SEC31A: variants seen among roughly 807,000 people sequenced by gnomAD.
SEC31A encodes the protein protein transport protein Sec31A.
A neutral mutation model predicts 151.0 loss-of-function variants in SEC31A; 70 were observed. The ratio of observed to expected loss-of-function variants is 0.46; its 90% CI spans 0.38 to 0.57. The LOEUF is 0.57. Ranked by LOEUF, SEC31A falls within the 20% of genes least tolerant of loss-of-function variation. SEC31A has a pLI of 0.00. For missense variants in SEC31A, 1,330 were observed against 1,471.2 expected, an observed-to-expected ratio of 0.90 and a Z score of 1.57; for synonymous variants, 475 against 505.9, an observed-to-expected ratio of 0.94 and a Z score of 0.82.
intron 3 of SEC31A, 35 bp from the exon 4 acceptor site, chr4:82,878,963 A>C (rs754896302): frequency 6.6e-7 from 1 of 1,509,062 alleles, no homozygotes; most frequent in African/African-American, 1.4e-5. Flanking sequence ...ATTCATTCTT[A>C]AAGTCAAATA....
intron 3 of SEC31A, among the ~76,000 whole-genome samples, chr4:82,879,671 T>G (rs1331270855): frequency 6.6e-6 from 1 of 152,202 alleles, no homozygotes; most frequent in African/African-American, 2.4e-5. Flanking sequence ...AGCGGTCCCA[T>G]GAAACTGCAT....
At chr4:82,896,631 C>T (rs977423467) in intron 3 of SEC31A, among the ~76,000 whole-genome samples, 1 of 152,232 alleles carries the variant, frequency 6.6e-6, no homozygotes, top group African/African-American at 2.4e-5. Flanking sequence ...TGGTGGCACA[C>T]GCCTGCAGTT....
intron 4 of SEC31A, 42 bp from the exon 5 acceptor site, chr4:82,875,864 T>C: frequency 9.1e-7 from 1 of 1,099,864 alleles, no homozygotes; most frequent in Non-Finnish European, 1.3e-6. Flanking sequence ...TATGAATAAT[T>C]AAGAAAATTC....
At chr4:82,841,442 T>TATATA (rs1728733052) in intron 22 of SEC31A, among the ~76,000 whole-genome samples, 61 of 64,448 alleles carry the variant, frequency 9.5e-4, no homozygotes, top group African/African-American at 2.3e-3. Flanking sequence ...AAAAAAAATT[T>TATATA]TATATATATA....
chr4:82,897,984 A>G (rs780926062), intron 3 of SEC31A: 1 of 152,244 alleles, frequency 6.6e-6, no homozygotes, highest in Non-Finnish European at 1.5e-5. Context: ...AGAAAGATAT[A>G]CTACCTTCCC....
At chr4:82,866,990 C>T (rs779481610) in intron 9 of SEC31A, 30 bp from the exon 10 acceptor site, 19 of 1,591,396 alleles carry the variant, frequency 1.2e-5, no homozygotes, top group East Asian at 1.1e-4. Context: ...CATAAGCATC[C>T]GACCATACAC....
chr4:82,861,813 G>T, intron 13 of SEC31A, 105 bp from the exon 14 acceptor site: 2 of 484,056 alleles, frequency 4.1e-6, no homozygotes, highest in Non-Finnish European at 7.5e-6. Context: ...TTCAGAGCTA[G>T]TTTAATCATA....
At chr4:82,855,130 G>T in intron 16 of SEC31A, 101 bp from the exon 17 acceptor site, 1 of 974,508 alleles carries the variant, frequency 1.0e-6, no homozygotes, top group South Asian at 2.2e-5. Context: ...GCCAAATGCA[G>T]CAGCAAAATG....
chr4:82,895,978 T>C (rs1469691330), upstream of SEC31A, among the ~76,000 whole-genome samples: 1 of 152,232 alleles, frequency 6.6e-6, no homozygotes, highest in African/African-American at 2.4e-5. Context: ...TGCTTAGCTC[T>C]TTAAAACAAA....
chr4:82,819,689 A>T (rs1375544218), intron 26 of SEC31A, among the ~76,000 whole-genome samples: 1 of 152,216 alleles, frequency 6.6e-6, no homozygotes, highest in African/African-American at 2.4e-5. Context: ...GTCATCTCTT[A>T]AAACTATAAA....
At chr4:82,860,214 C>T (rs577051068) in intron 14 of SEC31A, among the ~76,000 whole-genome samples, 60 of 152,190 alleles carry the variant, frequency 3.9e-4, no homozygotes, top group African/African-American at 1.3e-3. Context: ...GTATTGAGTG[C>T]CTTCAATGTG....
intron 21 of SEC31A, chr4:82,844,171 A>T (rs1186271652): frequency 2.4e-6 from 1 of 410,206 alleles, no homozygotes; most frequent in Non-Finnish European, 4.3e-6. Flanking sequence ...ACAGGAGTCA[A>T]CTACTCTGAA....
chr4:82,827,407 C>A lies in SEC31A; in HGVS notation c.3253G>T (p.Glu1085Ter). 6.2e-7 allele frequency: 1 copy of A among 1,614,174 alleles called. No individual in the cohort carries two copies. Among genetic ancestry groups the A allele is most frequent in the Non-Finnish European group, 8.5e-7 (1 of 1,180,004 alleles). ...MPPSFSKPNI[E>*]GAPGAPIGNT... is the part of the protein sequence containing the mutation. Reference sequence around the variant, plus strand: ...CCAATAGGAGCCCCTGGGGCACCTTCAATATTGGGCTTTGAAAAAGATGGT... The same window carrying A: ...CCAATAGGAGCCCCTGGGGCACCTTAAATATTGGGCTTTGAAAAAGATGGT... Residue 1085 changes from glutamate (E) to a stop codon, truncating the protein, a stop_gained, in exon 24 of 27, where the codon GAA (glutamate) becomes TAA (stop). Transcript: ENST00000395310. LOFTEE classifies it high-confidence loss of function.
chr4:82,854,849 C>A, intron 17 of SEC31A, 54 bp downstream of exon 17: 1 of 1,495,814 alleles, frequency 6.7e-7, no homozygotes. Flanking sequence ...AGTTTATTTA[C>A]AATATACCCT....
intron 8 of SEC31A, among the ~76,000 whole-genome samples, chr4:82,869,285 A>G (rs1211351642): frequency 1.3e-5 from 2 of 149,492 alleles, no homozygotes; most frequent in Non-Finnish European, 3.0e-5. Flanking sequence ...ACGTCCAGCT[A>G]ATTTTTTTGT....
intron 17 of SEC31A, among the ~76,000 whole-genome samples, chr4:82,853,977 T>C (rs1732015070): frequency 6.6e-6 from 1 of 152,146 alleles, no homozygotes; most frequent in South Asian, 2.1e-4. Context: ...AGAAAAACAA[T>C]AAATGGGAAC....
In SEC31A at chr4:82,844,274, G is replaced by GCACAATGGTTC. The variant is rs1309362784; in HGVS notation, c.2626+101_2626+111dup. On this transcript the variant is annotated intron_variant, in intron 21 of 26. Coordinates refer to ENST00000395310, the MANE Select transcript of SEC31A (RefSeq NM_001077207.4). ...TGTAGCAGGGACTCAGGAATCCTAT[G>GCACAATGGTTC]CACAATGGTTCTTACTTATTGATTT... 6.0e-6 allele frequency: 7 copies of GCACAATGGTTC among 1,174,502 alleles called. No individual in the cohort carries two copies. The East Asian group carries it at 1.7e-4, about 28-fold the overall frequency. The allele number at this position is 1,174,502 out of a possible 1,614,324, so 72.8% of individuals were successfully genotyped here.
At chr4:82,830,982 A>T in intron 22 of SEC31A, 1 of 1,191,418 alleles carries the variant, frequency 8.4e-7, no homozygotes, top group Non-Finnish European at 1.1e-6. Context: ...TTTTCTGTAG[A>T]CAAAATGTAA....
chr4:82,845,111 G>T, intron 20 of SEC31A: 1 of 861,792 alleles, frequency 1.2e-6, no homozygotes, highest in Non-Finnish European at 1.8e-6. Flanking sequence ...GAGTGGGGGT[G>T]AAAGAGCTTG....
Sources: gnomAD v4.1 joint callset for allele counts (sites outside exome capture counted in the v4.1 genomes callset) on GRCh38, gnomAD v4.1.1 for gene constraint, MANE v1.5 for transcripts, NCBI Gene and HGNC (gene_info 2026-07-23, HGNC 2026-07-21) for gene names.